Variants in POFUT3 observed in about 807,000 individuals in gnomAD.
The protein encoded by POFUT3 is protein O-fucosyltransferase 3.
chr8:33,462,347 G>C, the POFUT3 span, among the ~76,000 whole-genome samples: 1 of 152,030 alleles, frequency 6.6e-6, no homozygotes, highest in Non-Finnish European at 1.5e-5. Flanking sequence ...AAGGAGTTTA[G>C]AAATGGAATA....
At chr8:33,367,386 T>G in the POFUT3 span, among the ~76,000 whole-genome samples, 1 of 152,224 alleles carries the variant, frequency 6.6e-6, no homozygotes, top group South Asian at 2.1e-4. Flanking sequence ...ATTCGGCCCA[T>G]CCCTTCGTTT....
chr8:33,409,000 T>A, the POFUT3 span, among the ~76,000 whole-genome samples: 1 of 152,158 alleles, frequency 6.6e-6, no homozygotes, highest in Non-Finnish European at 1.5e-5. Context: ...AAAAAAAGAT[T>A]CAGGACAGAT....
At chr8:33,449,057 T>C in the POFUT3 span, among the ~76,000 whole-genome samples, 1 of 152,184 alleles carries the variant, frequency 6.6e-6, no homozygotes, top group South Asian at 2.1e-4. Flanking sequence ...TCGTGAACTC[T>C]ACACTGCACT....
the POFUT3 span, among the ~76,000 whole-genome samples, chr8:33,353,641 G>T: frequency 1.3e-5 from 2 of 152,294 alleles, no homozygotes; most frequent in South Asian, 2.1e-4. Context: ...GGGGAATGTG[G>T]TTGTGTTGAG....
At chr8:33,460,151 T>C in the POFUT3 span, among the ~76,000 whole-genome samples, 1 of 150,686 alleles carries the variant, frequency 6.6e-6, no homozygotes. Flanking sequence ...ATCGTGCCAC[T>C]GCACTCCAGC....
At chr8:33,393,386 C>A in the POFUT3 span, among the ~76,000 whole-genome samples, 1 of 152,150 alleles carries the variant, frequency 6.6e-6, no homozygotes, top group African/African-American at 2.4e-5. Flanking sequence ...CTAAATAGAT[C>A]TTTGGCACTA....
chr8:33,363,343 C>T, the POFUT3 span, among the ~76,000 whole-genome samples: 1 of 152,132 alleles, frequency 6.6e-6, no homozygotes, highest in African/African-American at 2.4e-5. Context: ...GACACCCTAA[C>T]ATCACAATTA....
chr8:33,443,556 G>A, the POFUT3 span, among the ~76,000 whole-genome samples: 44 of 152,088 alleles, frequency 2.9e-4, no homozygotes, highest in Non-Finnish European at 5.3e-4. Flanking sequence ...GTAGTGGCAC[G>A]ATCTTGGCTC....
At chr8:33,353,591 A>G in the POFUT3 span, among the ~76,000 whole-genome samples, 2 of 152,168 alleles carry the variant, frequency 1.3e-5, no homozygotes, top group African/African-American at 4.8e-5. Context: ...TAAGTTTGCT[A>G]AAGGATTGTG....
the POFUT3 span, among the ~76,000 whole-genome samples, chr8:33,460,311 C>T: frequency 6.6e-6 from 1 of 151,666 alleles, no homozygotes; most frequent in Non-Finnish European, 1.5e-5. Flanking sequence ...GCCGAGACTG[C>T]GCCACTGCTC....
chr8:33,331,777 G>A, the POFUT3 span, among the ~76,000 whole-genome samples: 4 of 151,974 alleles, frequency 2.6e-5, no homozygotes, highest in Non-Finnish European at 2.9e-5. Flanking sequence ...CCGGGTTCAC[G>A]CCATTCTCCT....
the POFUT3 span, chr8:33,452,618 T>C: frequency 2.6e-5 from 4 of 152,078 alleles, no homozygotes; most frequent in Non-Finnish European, 5.9e-5. Context: ...TTTAAACATT[T>C]AAAAAACTTT....
chr8:33,398,680 A>G, the POFUT3 span, among the ~76,000 whole-genome samples: 2 of 152,174 alleles, frequency 1.3e-5, no homozygotes, highest in Non-Finnish European at 2.9e-5. Flanking sequence ...AAATTTACCT[A>G]TATAACAAAC....
At chr8:33,379,520 T>C in the POFUT3 span, among the ~76,000 whole-genome samples, 1 of 152,132 alleles carries the variant, frequency 6.6e-6, no homozygotes, top group Non-Finnish European at 1.5e-5. Context: ...GCAGGAACTT[T>C]AAACTACCAT....
At chr8:33,421,669 T>G in the POFUT3 span, among the ~76,000 whole-genome samples, 1 of 152,190 alleles carries the variant, frequency 6.6e-6, no homozygotes, top group Admixed American at 6.5e-5. Context: ...AGAAGTCTGA[T>G]ATGCGGTGGA....
chr8:33,331,226 C>T, the POFUT3 span, among the ~76,000 whole-genome samples: 10 of 151,408 alleles, frequency 6.6e-5, no homozygotes, highest in Middle Eastern at 3.4e-3. Context: ...CCCAGCTACT[C>T]GGGAGGCTGA....
the POFUT3 span, chr8:33,389,205 C>G: frequency 6.2e-7 from 1 of 1,613,894 alleles, no homozygotes; most frequent in Non-Finnish European, 8.5e-7. Flanking sequence ...AATTCTGATA[C>G]AAGAATAGCA....
the POFUT3 span, among the ~76,000 whole-genome samples, chr8:33,408,105 C>T: frequency 1.3e-5 from 2 of 151,758 alleles, no homozygotes; most frequent in African/African-American, 4.8e-5. Flanking sequence ...GGGAGGATCA[C>T]TTGAGGTCAG....
the POFUT3 span, among the ~76,000 whole-genome samples, chr8:33,346,252 T>G: frequency 6.6e-6 from 1 of 152,056 alleles, no homozygotes; most frequent in Non-Finnish European, 1.5e-5. Flanking sequence ...CTGCTTTGCA[T>G]AAACTTCTAG....
Sources: gnomAD v4.1 joint callset for allele counts (sites outside exome capture counted in the v4.1 genomes callset) on GRCh38, gnomAD v4.1.1 for gene constraint, MANE v1.5 for transcripts, NCBI Gene and HGNC (gene_info 2026-07-23, HGNC 2026-07-21) for gene names.